ATRN: variants seen among roughly 807,000 people sequenced by gnomAD.
The protein encoded by ATRN is attractin, also known as attractin-2.
A neutral mutation model predicts 178.7 loss-of-function variants in ATRN; 54 were observed. That is an observed-to-expected ratio of 0.30 (90% confidence interval 0.24 to 0.38). The LOEUF is 0.38. Ranked by LOEUF, ATRN falls within the 10% of genes least tolerant of loss-of-function variation. The pLI is 1.00. For synonymous variants in ATRN, 636 were observed against 663.0 expected, an observed-to-expected ratio of 0.96 and a Z score of 0.63; for missense variants, 1,443 against 1,815.1, an observed-to-expected ratio of 0.79 and a Z score of 3.73.
chr20:3,595,308 T>A (rs2086512806), intron 20 of ATRN, among the ~76,000 whole-genome samples: 1 of 152,212 alleles, frequency 6.6e-6, no homozygotes, highest in Non-Finnish European at 1.5e-5. Context: ...GTATCCGCAT[T>A]TACTCATTCT....
intron 1 of ATRN, among the ~76,000 whole-genome samples, chr20:3,530,508 C>T (rs576401567): frequency 2.0e-5 from 3 of 150,906 alleles, no homozygotes; most frequent in Admixed American, 2.0e-4. Flanking sequence ...CTCAAACTCC[C>T]GACCTCGTGA....
chr20:3,579,489 A>G (rs2086254600), intron 15 of ATRN, among the ~76,000 whole-genome samples: 1 of 152,138 alleles, frequency 6.6e-6, no homozygotes, highest in African/African-American at 2.4e-5. Context: ...CCGTCTCAAA[A>G]CAAAAAAAGA....
chr20:3,494,336 C>G (rs142854064), intron 1 of ATRN, among the ~76,000 whole-genome samples: 49 of 152,220 alleles, frequency 3.2e-4, no homozygotes, highest in Non-Finnish European at 6.0e-4. Context: ...TTGTCACAGA[C>G]CTTGCATGTT....
chr20:3,490,561 T>G, intron 1 of ATRN: 1 of 1,076,634 alleles, frequency 9.3e-7, no homozygotes, highest in Non-Finnish European at 1.4e-6. Context: ...CTCAGATGCC[T>G]TCACGTTAAT....
intron 1 of ATRN, among the ~76,000 whole-genome samples, chr20:3,497,995 G>T (rs573892266): frequency 1.4e-4 from 22 of 151,880 alleles, no homozygotes; most frequent in African/African-American, 5.3e-4. Context: ...AATCATAAAG[G>T]GGATATCACC....
chr20:3,562,703 C>T (rs566973247), intron 9 of ATRN, among the ~76,000 whole-genome samples: 1 of 152,242 alleles, frequency 6.6e-6, no homozygotes, highest in South Asian at 2.1e-4. Context: ...AAATGTAAAG[C>T]AAATTTGAGT....
chr20:3,558,517 A>G (rs1474470361), intron 6 of ATRN, among the ~76,000 whole-genome samples: 4 of 145,246 alleles, frequency 2.8e-5, no homozygotes, highest in African/African-American at 7.6e-5. Context: ...TTTACTTAAG[A>G]TATAACAATA....
chr20:3,582,113 G>A (rs756804018), intron 15 of ATRN, 22 bp from the exon 16 acceptor site: 1 of 1,587,934 alleles, frequency 6.3e-7, no homozygotes, highest in Non-Finnish European at 8.6e-7. Context: ...TGTATTCATA[G>A]TTGTGTCTCT....
intron 11 of ATRN, among the ~76,000 whole-genome samples, chr20:3,567,738 G>T (rs973283737): frequency 2.0e-5 from 3 of 152,172 alleles, no homozygotes; most frequent in Admixed American, 1.3e-4. Flanking sequence ...TTTGAGGGAG[G>T]CAGGAAGGAG....
chr20:3,575,685 A>G, intron 12 of ATRN, 142 bp from the exon 13 acceptor site: 5 of 903,488 alleles, frequency 5.5e-6, no homozygotes, highest in East Asian at 2.5e-5. Context: ...TATTTTAACC[A>G]GAACATACCA....
chr20:3,649,203 T>C lies in ATRN; in HGVS notation c.*2356T>C, dbSNP rs2087128632. 1 of 152,450 alleles carries C rather than the reference T, an allele frequency of 6.6e-6. No homozygotes were observed. Among genetic ancestry groups the C allele is most frequent in the Non-Finnish European group, 1.5e-5 (1 of 68,026 alleles). The allele number at this position is 152,450 out of a possible 1,614,324, so 9.4% of individuals were successfully genotyped here. ...TAAGAGGCGCTGGGCTCGGAGCCTGTTTCCAAGAAGGAATTGGTTGTCATC... is the reference window on the plus strand; with the variant it reads ...TAAGAGGCGCTGGGCTCGGAGCCTGCTTCCAAGAAGGAATTGGTTGTCATC... On this transcript the variant is annotated 3_prime_UTR_variant, in exon 29 of 29. Coordinates refer to ENST00000262919, the MANE Select transcript of ATRN (RefSeq NM_139321.3).
At chr20:3,559,562 A>C in intron 7 of ATRN, 79 bp downstream of exon 7, 3 of 1,201,870 alleles carry the variant, frequency 2.5e-6, no homozygotes, top group South Asian at 2.6e-5. Flanking sequence ...TTGAAAAGCT[A>C]CCTCAGTGTT....
intron 1 of ATRN, among the ~76,000 whole-genome samples, chr20:3,521,393 CAG>C (rs984065933): frequency 1.3e-4 from 19 of 150,724 alleles, no homozygotes; most frequent in African/African-American, 4.4e-4. Context: ...GGAATATTAA[CAG>C]AGATAGAAAT....
intron 2 of ATRN, among the ~76,000 whole-genome samples, chr20:3,535,612 CACACACACACACACATAT>C (rs1384552466): frequency 2.0e-5 from 3 of 148,930 alleles, no homozygotes; most frequent in African/African-American, 7.5e-5. Context: ...CACACACACA[CACACACACACACACATAT>C]ATATTTATTT....
chr20:3,559,354 T>A (rs1171334426), intron 6 of ATRN, 39 bp from the exon 7 acceptor site: 1 of 1,415,158 alleles, frequency 7.1e-7, no homozygotes, highest in Admixed American at 1.7e-5. Context: ...ATGTTCTGTC[T>A]TATTAGTTGG....
At chr20:3,633,585 T>C (rs1485358044) in intron 25 of ATRN, among the ~76,000 whole-genome samples, 1 of 152,232 alleles carries the variant, frequency 6.6e-6, no homozygotes, top group Non-Finnish European at 1.5e-5. Context: ...AATGCAGTTA[T>C]AGCAGTTATC....
intron 7 of ATRN, among the ~76,000 whole-genome samples, 165 bp downstream of exon 7, chr20:3,559,648 A>C (rs1338144005): frequency 6.6e-6 from 1 of 152,206 alleles, no homozygotes; most frequent in African/African-American, 2.4e-5. Context: ...TTAAAATGGA[A>C]ACTTTTTTAA....
chr20:3,630,224 C>G (rs1372511333), intron 25 of ATRN, among the ~76,000 whole-genome samples: 1 of 152,194 alleles, frequency 6.6e-6, no homozygotes, highest in Non-Finnish European at 1.5e-5. Context: ...GTTCCTCACT[C>G]CTGTAGAACT....
intron 1 of ATRN, among the ~76,000 whole-genome samples, chr20:3,523,846 T>C (rs1600071833): frequency 6.6e-6 from 1 of 152,120 alleles, no homozygotes; most frequent in East Asian, 1.9e-4. Context: ...GAAATAAAAT[T>C]ATTTACAGAC....
Sources: allele counts gnomAD v4.1 joint callset (sites outside exome capture counted in the v4.1 genomes callset), GRCh38; gene constraint gnomAD v4.1.1; transcripts MANE v1.5; gene names NCBI Gene and HGNC (gene_info 2026-07-23, HGNC 2026-07-21).